RGPD5: variants seen among roughly 807,000 people sequenced by gnomAD.
The protein encoded by RGPD5 is RANBP2 like and GRIP domain containing 5.
At chr2:109,799,334 C>CT (rs1230594351) in intron 1 of RGPD5, among the ~76,000 whole-genome samples, 489 of 29,166 alleles carry the variant, frequency 0.017, 3 homozygotes, top group Non-Finnish European at 0.02. Flanking sequence ...TGCTATAGTT[C>CT]TTTTTTTTTT....
chr2:109,766,264 C>T, the RGPD5 span, among the ~76,000 whole-genome samples: 12 of 151,158 alleles, frequency 7.9e-5, no homozygotes, highest in Non-Finnish European at 1.2e-4. Context: ...AGGGGCTGCT[C>T]ATCAGCCTGG....
intron 1 of RGPD5, 43 bp downstream of exon 1, chr2:109,794,580 C>CGGGGGGGGGA (rs781731278): frequency 1.1e-6 from 1 of 899,516 alleles, no homozygotes; most frequent in Non-Finnish European, 1.3e-6. Context: ...TCGACCCGGC[C>CGGGGGGGGGA]GGGGGGCGGC....
At chr2:109,763,696 G>A in the RGPD5 span, among the ~76,000 whole-genome samples, 11 of 150,640 alleles carry the variant, frequency 7.3e-5, no homozygotes, top group Non-Finnish European at 1.0e-4. Flanking sequence ...ACCATTGAAA[G>A]CTTCTTCCTT....
chr2:109,770,052 C>T, the RGPD5 span, among the ~76,000 whole-genome samples: 20 of 107,304 alleles, frequency 1.9e-4, 7 homozygotes, highest in Admixed American at 8.4e-4. Flanking sequence ...TCAGACAACC[C>T]GCCCCCCACC....
the RGPD5 span, among the ~76,000 whole-genome samples, chr2:109,760,917 C>T: frequency 7.4e-6 from 1 of 134,684 alleles, no homozygotes; most frequent in African/African-American, 2.8e-5. Context: ...CTCGCCAGCC[C>T]TTTTCTGCCT....
At chr2:109,772,901 T>C in the RGPD5 span, among the ~76,000 whole-genome samples, 1 of 143,420 alleles carries the variant, frequency 7.0e-6, no homozygotes, top group Admixed American at 7.1e-5. Context: ...ATTTTCTGGG[T>C]AGAAGGGGAT....
At chr2:109,767,237 C>T in the RGPD5 span, among the ~76,000 whole-genome samples, 1 of 147,246 alleles carries the variant, frequency 6.8e-6, no homozygotes, top group Non-Finnish European at 1.5e-5. Flanking sequence ...CGCATAAGGT[C>T]AGATTCAGCA....
chr2:109,794,893 A>G (rs867553144), intron 1 of RGPD5: 259 of 49,030 alleles, frequency 5.3e-3, no homozygotes, highest in African/African-American at 0.049. Flanking sequence ...CGCACCCCGT[A>G]GTACCCGCGC....
chr2:109,765,330 C>T, the RGPD5 span, among the ~76,000 whole-genome samples: 2 of 149,322 alleles, frequency 1.3e-5, no homozygotes, highest in African/African-American at 4.9e-5. Flanking sequence ...CATGAAATAA[C>T]GCTTATTACT....
the RGPD5 span, among the ~76,000 whole-genome samples, chr2:109,765,676 T>G: frequency 2.0e-5 from 3 of 150,172 alleles, no homozygotes; most frequent in Admixed American, 1.3e-4. Flanking sequence ...AATAGAAACA[T>G]GGAGGGAATA....
At chr2:109,761,365 C>T in the RGPD5 span, among the ~76,000 whole-genome samples, 3 of 151,170 alleles carry the variant, frequency 2.0e-5, 1 homozygote. Context: ...CCCAGGGAGA[C>T]TCCTTTCCTC....
the RGPD5 span, among the ~76,000 whole-genome samples, chr2:109,767,884 CAA>C: frequency 2.3e-5 from 1 of 43,038 alleles, no homozygotes. Flanking sequence ...TAGCAGGAAT[CAA>C]AGAGTGCAGA....
the RGPD5 span, among the ~76,000 whole-genome samples, chr2:109,774,813 G>T: frequency 2.0e-5 from 1 of 50,576 alleles, no homozygotes; most frequent in South Asian, 9.1e-4. Flanking sequence ...CTTGCAATTA[G>T]TTGTATACTC....
chr2:109,760,787 G>T, the RGPD5 span, among the ~76,000 whole-genome samples: 1 of 140,930 alleles, frequency 7.1e-6, no homozygotes, highest in Admixed American at 7.3e-5. Flanking sequence ...TCCCCGTGCC[G>T]GCCGCTTCGG....
At chr2:109,778,514 T>C in the RGPD5 span, among the ~76,000 whole-genome samples, 1 of 150,028 alleles carries the variant, frequency 6.7e-6, no homozygotes, top group Non-Finnish European at 1.5e-5. Context: ...GAAGACCAGC[T>C]AGAAACATCT....
At chr2:109,760,865 CGGCCGGCCGCCGTGGGGGTGGGGT>C in the RGPD5 span, among the ~76,000 whole-genome samples, 3 of 118,382 alleles carry the variant, frequency 2.5e-5, no homozygotes, top group South Asian at 9.7e-4. Flanking sequence ...GTGCTCCGGG[CGGCCGGCCGCCGTGGGGGTGGGGT>C]GGGTCGGGGG....
chr2:109,772,687 AG>A, the RGPD5 span, among the ~76,000 whole-genome samples: 1 of 116,700 alleles, frequency 8.6e-6, no homozygotes, highest in Admixed American at 1.0e-4. Context: ...GGCTTTAAGC[AG>A]GGCAGCAAAA....
the RGPD5 span, among the ~76,000 whole-genome samples, chr2:109,762,985 A>C: frequency 5.5e-5 from 8 of 145,556 alleles, 1 homozygote; most frequent in Admixed American, 7.2e-5. Context: ...GGTTTACGTA[A>C]ATTTTTAAGT....
chr2:109,778,300 T>G, the RGPD5 span, among the ~76,000 whole-genome samples: 1 of 137,186 alleles, frequency 7.3e-6, no homozygotes, highest in Non-Finnish European at 1.5e-5. Context: ...ATTTGTAAAA[T>G]GCAGATAATG....
Sources: gnomAD v4.1 joint callset for allele counts (sites outside exome capture counted in the v4.1 genomes callset) on GRCh38, gnomAD v4.1.1 for gene constraint, MANE v1.5 for transcripts, NCBI Gene and HGNC (gene_info 2026-07-23, HGNC 2026-07-21) for gene names.